Variants in USP25 observed in about 807,000 individuals in gnomAD.
USP25 encodes ubiquitin carboxyl-terminal hydrolase 25.
USP25 carries 85 observed loss-of-function variants against 158.5 expected under a neutral mutation model. That is an observed-to-expected ratio of 0.54 (90% CI 0.45 to 0.64). USP25 has a LOEUF of 0.64. USP25 is among the 30% of genes least tolerant of loss of function. The probability of loss-of-function intolerance (pLI) is 0.00; values close to 1 mark genes in which losing one functional copy is unlikely to be tolerated. For synonymous variants in USP25, 464 were observed against 460.4 expected, an observed-to-expected ratio of 1.01 and a Z score of -0.10; for missense variants, 1,242 against 1,327.3, an observed-to-expected ratio of 0.94 and a Z score of 1.00.
chr21:15,878,050 T>G, intron 25 of USP25, 59 bp downstream of exon 25: 2 of 1,369,834 alleles, frequency 1.5e-6, no homozygotes, highest in Non-Finnish European at 2.0e-6. Context: ...CAGTTAGAAT[T>G]AGATGTTATT....
intron 3 of USP25, among the ~76,000 whole-genome samples, chr21:15,767,634 A>G (rs985036822): frequency 6.6e-6 from 1 of 152,054 alleles, no homozygotes; most frequent in East Asian, 1.9e-4. Flanking sequence ...AATATTTTGG[A>G]TATTTCAAAG....
intron 5 of USP25, among the ~76,000 whole-genome samples, chr21:15,796,384 G>A (rs1415145015): frequency 6.6e-6 from 1 of 151,486 alleles, no homozygotes; most frequent in African/African-American, 2.4e-5. Context: ...CCTTTTGAGG[G>A]CATCACAGAG....
At chr21:15,831,721 G>C (rs908433190) in intron 16 of USP25, 92 bp downstream of exon 16, 1 of 1,034,356 alleles carries the variant, frequency 9.7e-7, no homozygotes, top group African/African-American at 1.6e-5. Flanking sequence ...TCACTCAGAC[G>C]ATGAAGGATG....
intron 10 of USP25, among the ~76,000 whole-genome samples, chr21:15,820,462 GAATAT>G (rs149461543): frequency 0.024 from 3,655 of 151,884 alleles, 133 homozygotes; most frequent in African/African-American, 0.084. Flanking sequence ...CTAGCCTAGG[GAATAT>G]AATGATTTAT....
chr21:15,749,539 T>G (rs1942656991), intron 1 of USP25, among the ~76,000 whole-genome samples: 1 of 152,264 alleles, frequency 6.6e-6, no homozygotes, highest in Non-Finnish European at 1.5e-5. Context: ...TGTGTACATT[T>G]CTGCTTAGTC....
chr21:15,855,831 G>T (rs8133079), intron 20 of USP25, among the ~76,000 whole-genome samples: 4 of 152,082 alleles, frequency 2.6e-5, no homozygotes, highest in South Asian at 2.1e-4. Context: ...CAGTCTGTCC[G>T]TACCCAAAAG....
chr21:15,806,276 C>T (rs2036384712), intron 7 of USP25, among the ~76,000 whole-genome samples: 1 of 151,952 alleles, frequency 6.6e-6, no homozygotes, highest in South Asian at 2.1e-4. Context: ...CCTTCTGGTT[C>T]TAAATGTGTT....
intron 14 of USP25, among the ~76,000 whole-genome samples, chr21:15,829,329 A>G (rs1420756692): frequency 6.6e-6 from 1 of 152,134 alleles, no homozygotes; most frequent in Non-Finnish European, 1.5e-5. Flanking sequence ...ACCCTAATGT[A>G]GGCCCCAATA....
At chr21:15,861,711 T>C (rs2039434745) in intron 20 of USP25, among the ~76,000 whole-genome samples, 2 of 152,270 alleles carry the variant, frequency 1.3e-5, no homozygotes, top group African/African-American at 4.8e-5. Context: ...GTGAAAATGT[T>C]TTTTTGTATG....
Position 15,730,407 on chromosome 21 carries a change from A to G in USP25, c.14A>G (p.Gln5Arg). 1.5e-6 allele frequency: 2 copies of G among 1,340,872 alleles called. No homozygotes were observed. The highest frequency in any genetic ancestry group is 1.9e-6 in the Non-Finnish European group (2 of 1,037,680). 83.1% of individuals were successfully genotyped at this position (1,340,872 alleles called of 1,614,324 possible). A position where few individuals can be genotyped will look rare whatever the true frequency, so the allele number is the denominator to read the frequency against. MTVEQNVLQQSAAQK... is the reference protein window; with the variant it reads MTVERNVLQQSAAQK... ...GCCGCGGGGGCCATGACCGTGGAGC[A>G]GAACGTGCTGCAGCAGAGCGCGGCG... is the stretch of plus-strand genomic sequence containing the variant. Residue 5 changes from glutamine (Q) to arginine (R), a missense_variant, in exon 1 of 26, where the codon CAG (glutamine) becomes CGG (arginine). By Grantham distance (43) the Gln-to-Arg change is conservative. Transcript: ENST00000400183.
At chr21:15,798,989 A>T in intron 5 of USP25, among the ~76,000 whole-genome samples, 1 of 151,446 alleles carries the variant, frequency 6.6e-6, no homozygotes, top group East Asian at 1.9e-4. Flanking sequence ...TATACTGTAT[A>T]TTATAAAACA....
intron 1 of USP25, among the ~76,000 whole-genome samples, chr21:15,759,447 A>C (rs1194057368): frequency 6.6e-6 from 1 of 152,224 alleles, no homozygotes; most frequent in Admixed American, 6.5e-5. Flanking sequence ...TTAAGGATAC[A>C]TAATATATCA....
At chr21:15,784,211 AT>A (rs768818733) in intron 4 of USP25, among the ~76,000 whole-genome samples, 11 of 152,344 alleles carry the variant, frequency 7.2e-5, no homozygotes, top group Non-Finnish European at 1.2e-4. Flanking sequence ...GTCCTCTAAT[AT>A]GAAGGTTTAA....
intron 22 of USP25, among the ~76,000 whole-genome samples, chr21:15,867,718 A>G (rs2039717647): frequency 6.6e-6 from 1 of 152,128 alleles, no homozygotes; most frequent in Non-Finnish European, 1.5e-5. Flanking sequence ...TTTGCCAGTA[A>G]AAAAAGTATG....
chr21:15,767,781 C>G (rs112722151), intron 3 of USP25, among the ~76,000 whole-genome samples: 11,503 of 151,940 alleles, frequency 0.076, 498 homozygotes, highest in East Asian at 0.092. Flanking sequence ...GTTGTGAACT[C>G]TTAATATAGA....
rs376986047 is a variant in USP25, at chr21:15,773,811, T to C, written c.269-4093T>C. Among the ~76,000 whole-genome samples, 17 of 152,348 alleles carry C rather than the reference T, an allele frequency of 1.1e-4. No individual in the cohort carries two copies. In the South Asian group the frequency reaches 3.3e-3, roughly 30 times the overall value. On this transcript the variant is annotated intron_variant, in intron 3 of 25. Coordinates refer to ENST00000400183, the MANE Select transcript of USP25 (RefSeq NM_001283041.3). ...TTCATATTAAAATGTCAGTCTATTA[T>C]GTTTGAATAACATATTTTATGAAAA...
rs1401621514 is a variant in USP25 at position 15,843,345 on chromosome 21, C to A, written c.2337+805C>A. On this transcript the variant is annotated intron_variant, in intron 18 of 25. Transcript: ENST00000400183. The surrounding 1 kb of genome is among the most constrained non-coding windows in gnomAD (Gnocchi z 4.0). ...GACAACTAAAAAGAGTACGACATAT[C>A]ATAATTTTACAACACGTAATTTTCT... Among the ~76,000 whole-genome samples the A allele has an allele frequency of 6.6e-6, 1 of 152,104 alleles. No homozygotes were observed. The highest frequency in any genetic ancestry group is 2.4e-5 in the African/African-American group (1 of 41,428).
intron 20 of USP25, among the ~76,000 whole-genome samples, chr21:15,861,272 C>T (rs904135707): frequency 1.3e-5 from 2 of 151,916 alleles, no homozygotes; most frequent in Non-Finnish European, 2.9e-5. Context: ...GGAGGGAGAT[C>T]CTTGTTGCAG....
At chr21:15,836,435 TCTG>T (rs1219453237) in intron 17 of USP25, among the ~76,000 whole-genome samples, 1 of 152,260 alleles carries the variant, frequency 6.6e-6, no homozygotes, top group African/African-American at 2.4e-5. Flanking sequence ...CTTCCCTAGA[TCTG>T]CTTACTGCAA....
Sources: allele counts gnomAD v4.1 joint callset (sites outside exome capture counted in the v4.1 genomes callset), GRCh38; gene constraint gnomAD v4.1.1; non-coding constraint Gnocchi (gnomAD v3.1); transcripts MANE v1.5; gene names NCBI Gene and HGNC (gene_info 2026-07-23, HGNC 2026-07-21).